The following ITGA9 variants were observed in gnomAD, a reference collection of about 807,000 sequenced individuals.
The protein encoded by ITGA9 is integrin subunit alpha 9, also known as integrin alpha-9.
In ITGA9, 56 loss-of-function variants were observed where a neutral mutation model predicts 127.8. The observed-to-expected ratio is 0.44, with a 90% CI of 0.35 to 0.55. The LOEUF (loss-of-function observed/expected upper bound fraction) is 0.55. Among genes scored for constraint, ITGA9 ranks in the 20% least tolerant of loss-of-function variants. The probability of loss-of-function intolerance (pLI) is 0.00; values close to 1 mark genes in which losing one functional copy is unlikely to be tolerated. For missense variants in ITGA9, 1,196 were observed against 1,347.1 expected (o/e 0.89, Z 1.76); for synonymous variants, 508 against 514.5 (o/e 0.99, Z 0.17).
intron 16 of ITGA9, among the ~76,000 whole-genome samples, chr3:37,640,171 G>T (rs933473843): frequency 4.6e-5 from 7 of 152,182 alleles, no homozygotes; most frequent in Non-Finnish European, 7.3e-5. Context: ...AAGGGACTTT[G>T]CAGTTGTAAT....
intron 17 of ITGA9, among the ~76,000 whole-genome samples, chr3:37,680,381 C>T (rs1389515537): frequency 1.3e-5 from 2 of 152,144 alleles, no homozygotes; most frequent in Non-Finnish European, 2.9e-5. Flanking sequence ...TAAAAAAAAT[C>T]TGAGTTCACA....
At chr3:37,534,140 C>T (rs761392966) in intron 14 of ITGA9, among the ~76,000 whole-genome samples, 2 of 152,148 alleles carry the variant, frequency 1.3e-5, no homozygotes, top group Non-Finnish European at 2.9e-5. Context: ...ATTCAGAGCA[C>T]GTGATCACCT....
At chr3:37,562,824 T>C (rs184506995) in intron 15 of ITGA9, among the ~76,000 whole-genome samples, 3 of 152,344 alleles carry the variant, frequency 2.0e-5, no homozygotes, top group Admixed American at 2.0e-4. Context: ...GTGGCAGATG[T>C]ATCCTTGCTT....
At chr3:37,757,169 A>G (rs1056099024) in intron 23 of ITGA9, among the ~76,000 whole-genome samples, 4 of 151,934 alleles carry the variant, frequency 2.6e-5, no homozygotes, top group African/African-American at 9.7e-5. Flanking sequence ...TTAAAGACAA[A>G]GCATATCCTG....
intron 17 of ITGA9, among the ~76,000 whole-genome samples, chr3:37,682,729 T>C (rs148492497): frequency 6.6e-6 from 1 of 152,206 alleles, no homozygotes; most frequent in Non-Finnish European, 1.5e-5. Context: ...TTTTCTCTTC[T>C]AGTTATTGAA....
chr3:37,754,672 A>G (rs1468758164), intron 23 of ITGA9, among the ~76,000 whole-genome samples: 4 of 152,238 alleles, frequency 2.6e-5, no homozygotes, highest in Non-Finnish European at 4.4e-5. Context: ...GGGTACCATT[A>G]GGACATTGAC....
Position 37,814,890 on chromosome 3 carries a change from T to C in ITGA9, c.3010-4001T>C, listed in dbSNP as rs1162194159. Among the ~76,000 whole-genome samples, 1 of 152,150 alleles carries C rather than the reference T, an allele frequency of 6.6e-6. No homozygotes were observed. Among genetic ancestry groups the C allele is most frequent in the Admixed American group, 6.5e-5 (1 of 15,280 alleles). ...GAGTGCATTATGTTTTAAGAAATGG[T>C]CTTCAGACTCTAAAAAAAGGAAGAC... On this transcript the variant is annotated intron_variant, in intron 27 of 27. Coordinates refer to ENST00000264741, the MANE Select transcript of ITGA9 (RefSeq NM_002207.3). This position sits in a 1 kb window ranked among gnomAD's most constrained non-coding sequence, Gnocchi z 4.3.
intron 15 of ITGA9, among the ~76,000 whole-genome samples, chr3:37,592,604 T>G (rs1248116924): frequency 6.6e-6 from 1 of 151,902 alleles, no homozygotes; most frequent in Non-Finnish European, 1.5e-5. Context: ...ACTCCACATA[T>G]CAGTGGTAGG....
chr3:37,778,025 A>G (rs571557996), intron 24 of ITGA9, among the ~76,000 whole-genome samples: 1 of 152,258 alleles, frequency 6.6e-6, no homozygotes, highest in South Asian at 2.1e-4. Context: ...CAATTGTGGT[A>G]TATCCATACA....
At chr3:37,679,942 G>A (rs960777508) in intron 17 of ITGA9, among the ~76,000 whole-genome samples, 6 of 151,966 alleles carry the variant, frequency 3.9e-5, no homozygotes, top group African/African-American at 4.8e-5. Context: ...TTCGATAAGT[G>A]CCATGAAGGG....
chr3:37,591,390 C>T (rs1194941305), intron 15 of ITGA9, among the ~76,000 whole-genome samples: 2 of 152,178 alleles, frequency 1.3e-5, no homozygotes. Context: ...TCTGGGGACC[C>T]TAGTGTACCC....
chr3:37,741,726 A>C lies in ITGA9; in HGVS notation c.2235-4A>C, dbSNP rs1696437627. 1 of 1,612,426 alleles carries C rather than the reference A, an allele frequency of 6.2e-7. No individual in the cohort carries two copies. Among genetic ancestry groups the C allele is most frequent in the Non-Finnish European group, 8.5e-7 (1 of 1,179,012 alleles). On this transcript the variant is annotated splice_polypyrimidine_tract_variant and splice_region_variant and intron_variant, in intron 20 of 27. Transcript: ENST00000264741. The stretch of plus-strand genomic sequence containing the variant: ...CGTTCATTCATTCTCCTCTCTCTGC[A>C]CAGTGGCAACACGGAGCGCTCTGAA...
At chr3:37,639,772 C>CA (rs1246228840) in intron 16 of ITGA9, among the ~76,000 whole-genome samples, 4 of 152,098 alleles carry the variant, frequency 2.6e-5, no homozygotes, top group Non-Finnish European at 5.9e-5. Context: ...TGATACCCCC[C>CA]AGAGAGTTGA....
At chr3:37,500,116 T>C (rs1290763277) in intron 5 of ITGA9, among the ~76,000 whole-genome samples, 2 of 152,186 alleles carry the variant, frequency 1.3e-5, no homozygotes, top group African/African-American at 4.8e-5. Flanking sequence ...TACAAATTCC[T>C]TTCCAAGCTC....
chr3:37,627,778 A>G (rs184627250), intron 15 of ITGA9, among the ~76,000 whole-genome samples: 2 of 152,298 alleles, frequency 1.3e-5, no homozygotes, highest in Admixed American at 6.5e-5. Context: ...ATATAGTGAC[A>G]TGCTGTATGT....
rs1698200291 is a variant in ITGA9 at position 37,452,333 on chromosome 3, C to G, written c.-42C>G. 7.7e-6 allele frequency: 8 copies of G among 1,039,202 alleles called. 1 individual carries two copies. The South Asian group carries it at 3.6e-4, about 47-fold the overall frequency. The allele number at this position is 1,039,202 out of a possible 1,614,324, so 64.4% of individuals were successfully genotyped here. A position where few individuals can be genotyped will look rare whatever the true frequency, so the allele number is the denominator to read the frequency against. ...GGCCCCGCGGCCCGCGCGCTCGGCGCCCTGCTCGCCGGGCAGAGGGGAAGG... is the reference window on the plus strand; with the variant it reads ...GGCCCCGCGGCCCGCGCGCTCGGCGGCCTGCTCGCCGGGCAGAGGGGAAGG... On this transcript the variant is annotated 5_prime_UTR_variant, in exon 1 of 28. Coordinates refer to ENST00000264741, the MANE Select transcript of ITGA9 (RefSeq NM_002207.3). This position sits in a 1 kb window ranked among gnomAD's most constrained non-coding sequence, Gnocchi z 7.3.
chr3:37,667,885 T>C (rs910322422), intron 17 of ITGA9, among the ~76,000 whole-genome samples: 2 of 152,220 alleles, frequency 1.3e-5, no homozygotes, highest in Non-Finnish European at 2.9e-5. Flanking sequence ...GCCCTCACTT[T>C]AAATAACCAT....
chr3:37,679,916 A>G (rs1308038964), intron 17 of ITGA9, among the ~76,000 whole-genome samples: 2 of 152,096 alleles, frequency 1.3e-5, no homozygotes, highest in Admixed American at 1.3e-4. Context: ...CCCACAAACA[A>G]ATGCATAACC....
At chr3:37,606,694 A>G (rs955859053) in intron 15 of ITGA9, among the ~76,000 whole-genome samples, 24 of 152,104 alleles carry the variant, frequency 1.6e-4, no homozygotes, top group African/African-American at 5.8e-4. Flanking sequence ...GTATGAGATT[A>G]TGGTGATGTT....
Sources: allele counts gnomAD v4.1 joint callset (sites outside exome capture counted in the v4.1 genomes callset), GRCh38; gene constraint gnomAD v4.1.1; non-coding constraint Gnocchi (gnomAD v3.1); transcripts MANE v1.5; gene names NCBI Gene and HGNC (gene_info 2026-07-23, HGNC 2026-07-21).